The following CRYL1 variants were observed in gnomAD, a reference collection of about 807,000 sequenced individuals.
CRYL1 encodes the protein lambda-crystallin homolog.
CRYL1 carries 29 observed loss-of-function variants against 36.6 expected under a neutral mutation model. The observed-to-expected ratio is 0.79, with a 90% CI of 0.59 to 1.08. CRYL1 has a LOEUF of 1.08. CRYL1 is among the 50% of genes least tolerant of loss of function. The pLI is 0.00. For missense variants in CRYL1, 411 were observed against 407.9 expected (o/e 1.01, Z -0.06); for synonymous variants, 152 against 151.5 (o/e 1.00, Z -0.02).
chr13:20,426,332 C>A (rs1238695868), intron 5 of CRYL1, among the ~76,000 whole-genome samples: 1 of 150,712 alleles, frequency 6.6e-6, no homozygotes, highest in Non-Finnish European at 1.5e-5. Flanking sequence ...TGGTCTTGGA[C>A]TCCTGGGCTC....
At chr13:20,505,381 A>AAAAAAAAAAAAAAAAAC (rs1292225610) in intron 2 of CRYL1, among the ~76,000 whole-genome samples, 1 of 138,840 alleles carries the variant, frequency 7.2e-6, no homozygotes, top group Non-Finnish European at 1.6e-5. Context: ...AAAAAAAAAA[A>AAAAAAAAAAAAAAAAAC]ATCAGAATAT....
At chr13:20,449,961 A>G (rs2032533979) in intron 3 of CRYL1, among the ~76,000 whole-genome samples, 1 of 152,226 alleles carries the variant, frequency 6.6e-6, no homozygotes, top group African/African-American at 2.4e-5. Context: ...AAAAAATGAA[A>G]AAGTATTCCA....
chr13:20,421,322 A>G (rs547490138), intron 5 of CRYL1, among the ~76,000 whole-genome samples: 16 of 152,312 alleles, frequency 1.1e-4, no homozygotes, highest in African/African-American at 3.8e-4. Flanking sequence ...CTTCCATTCT[A>G]TGAGGGTAGT....
At chr13:20,431,974 C>G in intron 5 of CRYL1, 128 bp downstream of exon 5, 1 of 1,556,660 alleles carries the variant, frequency 6.4e-7, no homozygotes, top group Non-Finnish European at 8.7e-7. Context: ...AAGAAGCAAG[C>G]AGCCTCTGAC....
intron 3 of CRYL1, among the ~76,000 whole-genome samples, chr13:20,461,426 T>C (rs532490977): frequency 1.3e-5 from 2 of 152,358 alleles, no homozygotes; most frequent in African/African-American, 4.8e-5. Flanking sequence ...TGTCTTCTTA[T>C]TTAATCCATC....
intron 3 of CRYL1, among the ~76,000 whole-genome samples, chr13:20,480,066 T>C (rs996626801): frequency 2.0e-5 from 3 of 152,116 alleles, no homozygotes; most frequent in Non-Finnish European, 4.4e-5. Context: ...CTTAAAGACA[T>C]TATGAAGAAG....
intron 5 of CRYL1, among the ~76,000 whole-genome samples, chr13:20,420,678 T>G (rs2031778728): frequency 1.5e-5 from 2 of 133,386 alleles, no homozygotes; most frequent in Non-Finnish European, 3.3e-5. Flanking sequence ...GTTTTTCCCT[T>G]TGACTTTTCT....
At position 20,404,006 on chromosome 13, in the gene CRYL1, A is replaced by G; in HGVS notation, c.*123T>C. 1.4e-6 allele frequency: 1 copy of G among 704,950 alleles called. No homozygotes were observed. The highest frequency in any genetic ancestry group is 2.5e-6 in the Non-Finnish European group (1 of 401,810). 43.7% of individuals were successfully genotyped at this position (704,950 alleles called of 1,614,324 possible). A position where few individuals can be genotyped will look rare whatever the true frequency, so the allele number is the denominator to read the frequency against. On this transcript the variant is annotated 3_prime_UTR_variant, in exon 8 of 8. Coordinates refer to ENST00000298248, the MANE Select transcript of CRYL1 (RefSeq NM_015974.3). ...CTGCACCACCCCACTCAGGCTGCAC[A>G]CAAGACAGCCAGCTTAGGATCTCCG...
chr13:20,494,920 C>T (rs773117415), intron 2 of CRYL1, among the ~76,000 whole-genome samples: 2 of 152,158 alleles, frequency 1.3e-5, no homozygotes, highest in Non-Finnish European at 2.9e-5. Flanking sequence ...GGGAGAGACA[C>T]GGTCACACAT....
intron 3 of CRYL1, among the ~76,000 whole-genome samples, chr13:20,460,825 G>A (rs1466835710): frequency 6.6e-6 from 1 of 152,054 alleles, no homozygotes; most frequent in African/African-American, 2.4e-5. Flanking sequence ...GCGCCCCGCC[G>A]GCAGCTGCTG....
At chr13:20,506,893 G>T (rs1434679894) in intron 2 of CRYL1, among the ~76,000 whole-genome samples, 1 of 152,150 alleles carries the variant, frequency 6.6e-6, no homozygotes, top group African/African-American at 2.4e-5. Context: ...ATGTCATCTT[G>T]AATTGTAGCT....
chr13:20,444,001 C>A (rs1485279667), intron 3 of CRYL1, among the ~76,000 whole-genome samples: 1 of 152,222 alleles, frequency 6.6e-6, no homozygotes, highest in Non-Finnish European at 1.5e-5. Context: ...TGGCTTTAAT[C>A]TGCCTAATTA....
At chr13:20,442,028 T>C (rs148404134) in intron 3 of CRYL1, among the ~76,000 whole-genome samples, 2 of 152,368 alleles carry the variant, frequency 1.3e-5, no homozygotes, top group East Asian at 1.9e-4. Context: ...GCTCATTGTA[T>C]TGAGTCATTC....
chr13:20,427,005 C>A (rs995407554), intron 5 of CRYL1: 13 of 985,442 alleles, frequency 1.3e-5, no homozygotes, highest in Non-Finnish European at 1.6e-5. Context: ...AGGCTGAGAA[C>A]CTGCCGAGGG....
intron 2 of CRYL1, among the ~76,000 whole-genome samples, chr13:20,509,583 G>A (rs918974956): frequency 3.9e-5 from 6 of 152,230 alleles, no homozygotes; most frequent in Non-Finnish European, 5.9e-5. Flanking sequence ...ACAAACATAC[G>A]AAAAGATGCT....
intron 3 of CRYL1, among the ~76,000 whole-genome samples, chr13:20,480,786 A>G (rs915418644): frequency 7.9e-5 from 12 of 152,210 alleles, no homozygotes; most frequent in African/African-American, 2.7e-4. Flanking sequence ...ACTGAATGCA[A>G]TGAGGATGCC....
intron 3 of CRYL1, among the ~76,000 whole-genome samples, chr13:20,480,246 C>A (rs2033248763): frequency 6.6e-6 from 1 of 151,834 alleles, no homozygotes; most frequent in Non-Finnish European, 1.5e-5. Context: ...CCGGGTGTAG[C>A]AGTGGGCACC....
intron 3 of CRYL1, among the ~76,000 whole-genome samples, chr13:20,454,360 C>A (rs1467975846): frequency 2.0e-5 from 3 of 150,332 alleles, no homozygotes; most frequent in Non-Finnish European, 4.4e-5. Flanking sequence ...ATTATGTGAT[C>A]ATCCCAATAG....
At chr13:20,507,819 G>T (rs893089629) in intron 2 of CRYL1, among the ~76,000 whole-genome samples, 2 of 151,910 alleles carry the variant, frequency 1.3e-5, no homozygotes, top group African/African-American at 4.8e-5. Context: ...TCCGGAGGCT[G>T]AGGCAGGAGA....
Sources: allele counts gnomAD v4.1 joint callset (sites outside exome capture counted in the v4.1 genomes callset), GRCh38; gene constraint gnomAD v4.1.1; transcripts MANE v1.5; gene names NCBI Gene and HGNC (gene_info 2026-07-23, HGNC 2026-07-21).